Variants in CNTN5 observed in about 807,000 individuals in gnomAD.
CNTN5 encodes the protein contactin 5.
Under a neutral mutation model 129.1 loss-of-function variants are expected in CNTN5, and 77 were observed. That is an observed-to-expected ratio of 0.60 (90% CI 0.50 to 0.72). CNTN5 has a LOEUF of 0.72. CNTN5 is among the 30% of genes least tolerant of loss of function. The pLI is 0.00. For synonymous variants in CNTN5, 509 were observed against 465.6 expected (o/e 1.09, Z -1.20); for missense variants, 1,478 against 1,328.8 (o/e 1.11, Z -1.75).
chr11:99,883,714 G>C (rs928684870), intron 6 of CNTN5, among the ~76,000 whole-genome samples: 3 of 152,104 alleles, frequency 2.0e-5, no homozygotes, highest in African/African-American at 7.2e-5. Flanking sequence ...ATAAAGTATG[G>C]CTGTCTGGAG....
chr11:99,887,045 T>C (rs1325655112), intron 6 of CNTN5, among the ~76,000 whole-genome samples: 1 of 152,192 alleles, frequency 6.6e-6, no homozygotes, highest in Non-Finnish European at 1.5e-5. Context: ...TCATTGGTAT[T>C]CATTAAGTTT....
chr11:99,116,778 A>T (rs1001504809), intron 1 of CNTN5, among the ~76,000 whole-genome samples: 68 of 152,190 alleles, frequency 4.5e-4, no homozygotes, highest in African/African-American at 1.4e-3. Context: ...GTGGTTGGCG[A>T]GTTAGGAAAC....
chr11:99,583,158 T>C (rs1429990784), intron 3 of CNTN5, among the ~76,000 whole-genome samples: 1 of 152,212 alleles, frequency 6.6e-6, no homozygotes, highest in Non-Finnish European at 1.5e-5. Flanking sequence ...GAACCGTAAA[T>C]GCTGCTGCCT....
intron 1 of CNTN5, among the ~76,000 whole-genome samples, chr11:99,162,438 C>G (rs1019391021): frequency 1.3e-5 from 2 of 152,284 alleles, no homozygotes; most frequent in African/African-American, 4.8e-5. Context: ...AAGCATGTCA[C>G]TGACGGGAAA....
intron 3 of CNTN5, among the ~76,000 whole-genome samples, chr11:99,632,971 C>T (rs572426708): frequency 3.4e-4 from 52 of 152,060 alleles, no homozygotes; most frequent in Middle Eastern, 3.4e-3. Context: ...ATTATCTGAA[C>T]GGAAATGTAA....
At chr11:99,505,569 T>G (rs1378062226) in intron 2 of CNTN5, among the ~76,000 whole-genome samples, 1 of 152,188 alleles carries the variant, frequency 6.6e-6, no homozygotes, top group Non-Finnish European at 1.5e-5. Flanking sequence ...TGCCAGAGAA[T>G]TTGTTACACA....
At position 100,116,359 on chromosome 11, in the gene CNTN5, G is replaced by A. The variant is rs540886057; in HGVS notation, c.1580+42065G>A. ...GAAGTCGCCTTCATATTGATGTTAT[G>A]TAATTGTCACTTGCAAAACAACCTG... On this transcript the variant is annotated intron_variant, in intron 13 of 24. Transcript: ENST00000524871. 1.5e-4 allele frequency among the ~76,000 whole-genome samples: 23 copies of A among 152,066 alleles called. 1 individual carries two copies. The East Asian group carries it at 4.1e-3, about 27-fold the overall frequency.
intron 3 of CNTN5, among the ~76,000 whole-genome samples, chr11:99,815,955 C>A (rs928117006): frequency 6.6e-6 from 1 of 152,060 alleles, no homozygotes; most frequent in Non-Finnish European, 1.5e-5. Flanking sequence ...CCTCCCTCAC[C>A]GGGTTAGAGT....
chr11:99,754,003 AT>A (rs1439116395), intron 3 of CNTN5, among the ~76,000 whole-genome samples: 1 of 151,488 alleles, frequency 6.6e-6, no homozygotes, highest in East Asian at 1.9e-4. Flanking sequence ...AAAAAAATAA[AT>A]AACAACAACA....
intron 13 of CNTN5, among the ~76,000 whole-genome samples, chr11:100,127,151 G>GCTGGTCTCAAACCT (rs1312517428): frequency 2.1e-5 from 3 of 139,736 alleles, no homozygotes; most frequent in Non-Finnish European, 4.5e-5. Flanking sequence ...TGCTGCCCGA[G>GCTGGTCTCAAACCT]CTGGTCTCAA....
At chr11:99,105,394 A>C (rs1223806640) in intron 1 of CNTN5, among the ~76,000 whole-genome samples, 1 of 152,196 alleles carries the variant, frequency 6.6e-6, no homozygotes, top group Admixed American at 6.5e-5. Flanking sequence ...TGGACATGAT[A>C]AGTGAGCTAA....
At chr11:99,818,811 A>G (rs1013337998) in intron 3 of CNTN5, among the ~76,000 whole-genome samples, 1 of 152,206 alleles carries the variant, frequency 6.6e-6, no homozygotes, top group Non-Finnish European at 1.5e-5. Context: ...TATGAAATTT[A>G]TCAATAATCA....
At chr11:99,909,970 A>T (rs1042767901) in intron 6 of CNTN5, among the ~76,000 whole-genome samples, 7 of 152,020 alleles carry the variant, frequency 4.6e-5, no homozygotes, top group Admixed American at 3.3e-4. Flanking sequence ...ATAATAATAA[A>T]AAAAGAATTG....
intron 2 of CNTN5, among the ~76,000 whole-genome samples, chr11:99,462,138 A>G (rs184473374): frequency 6.6e-6 from 1 of 152,252 alleles, no homozygotes; most frequent in East Asian, 1.9e-4. Context: ...GGAAGGTATA[A>G]CATAACCATT....
At chr11:100,289,623 GCTAT>G (rs1453818019) in intron 18 of CNTN5, among the ~76,000 whole-genome samples, 1 of 151,908 alleles carries the variant, frequency 6.6e-6, no homozygotes, top group Non-Finnish European at 1.5e-5. Context: ...AATAATAAGA[GCTAT>G]CTATGACAAA....
intron 23 of CNTN5, among the ~76,000 whole-genome samples, chr11:100,346,390 G>A (rs1952280485): frequency 6.6e-6 from 1 of 152,034 alleles, no homozygotes; most frequent in South Asian, 2.1e-4. Context: ...AATTTACCCA[G>A]GTTATAAAGT....
chr11:99,609,476 T>A (rs1439413494), intron 3 of CNTN5, among the ~76,000 whole-genome samples: 1 of 152,142 alleles, frequency 6.6e-6, no homozygotes, highest in Non-Finnish European at 1.5e-5. Context: ...GGCTGATGCC[T>A]AATGTAATCA....
rs184411216 is a variant in CNTN5, at chr11:100,231,952, G to A, written c.2005+7140G>A. ...GCAGATCACTTGAGGTCAGGAGATC[G>A]AGACCAGCCTGGCCAACATGGGGAA... On this transcript the variant is annotated intron_variant, in intron 16 of 24. Transcript: ENST00000524871. 1.6e-3 allele frequency among the ~76,000 whole-genome samples: 250 copies of A among 152,238 alleles called. 1 individual carries two copies. Among genetic ancestry groups the A allele is most frequent in the Non-Finnish European group, 2.7e-3 (183 of 68,002 alleles).
intron 13 of CNTN5, among the ~76,000 whole-genome samples, chr11:100,189,296 C>T (rs1010264294): frequency 6.7e-6 from 1 of 148,566 alleles, no homozygotes; most frequent in African/African-American, 2.5e-5. Context: ...TTGTGGTACT[C>T]AAAATTCTGC....
Sources: gnomAD v4.1 joint callset for allele counts (sites outside exome capture counted in the v4.1 genomes callset) on GRCh38, gnomAD v4.1.1 for gene constraint, MANE v1.5 for transcripts, NCBI Gene and HGNC (gene_info 2026-07-23, HGNC 2026-07-21) for gene names.